CD47: variants seen among roughly 807,000 people sequenced by gnomAD.
CD47 encodes leukocyte surface antigen CD47.
Under a neutral mutation model 44.6 loss-of-function variants are expected in CD47, and 11 were observed. The observed-to-expected ratio is 0.25, with a 90% CI of 0.16 to 0.41. The LOEUF is 0.41. CD47 is among the 10% of genes least tolerant of loss of function. The pLI, the probability that CD47 is intolerant of heterozygous loss-of-function variation, is 1.00. For missense variants in CD47, 306 were observed against 386.7 expected, an observed-to-expected ratio of 0.79 and a Z score of 1.75; for synonymous variants, 140 against 136.3, an observed-to-expected ratio of 1.03 and a Z score of -0.19.
At position 108,059,932 on chromosome 3, in the gene CD47, A is replaced by G. The variant is rs546300678; in HGVS notation, c.599-388T>C. Among the ~76,000 whole-genome samples the G allele has an allele frequency of 7.9e-5, 12 of 152,298 alleles. No homozygotes were observed. In the South Asian group the frequency reaches 2.3e-3, roughly 29 times the overall value. ...CTGTCTTCACTAACTTCAGATACCA[A>G]TAGAGCTGCCAAGCCCATGTTCCTA... On this transcript the variant is annotated intron_variant, in intron 4 of 10. Coordinates refer to ENST00000361309, the MANE Select transcript of CD47 (RefSeq NM_001777.4).
chr3:108,079,897 T>C, intron 2 of CD47, 94 bp downstream of exon 2: 2 of 718,638 alleles, frequency 2.8e-6, no homozygotes, highest in South Asian at 3.8e-5. Flanking sequence ...GCTTTTTGAT[T>C]CAAAGGAGTA....
At chr3:108,071,901 T>A (rs1268090951) in intron 2 of CD47, among the ~76,000 whole-genome samples, 1 of 152,190 alleles carries the variant, frequency 6.6e-6, no homozygotes, top group Non-Finnish European at 1.5e-5. Flanking sequence ...TCTGCAATTA[T>A]CCATGCATAA....
intron 4 of CD47, among the ~76,000 whole-genome samples, chr3:108,060,252 T>C (rs1475489747): frequency 2.0e-5 from 3 of 152,040 alleles, no homozygotes; most frequent in East Asian, 1.9e-4. Context: ...AGCAAAAGAG[T>C]GAATACTGCA....
At chr3:108,056,793 A>G (rs2078919907) in intron 7 of CD47, among the ~76,000 whole-genome samples, 1 of 152,212 alleles carries the variant, frequency 6.6e-6, no homozygotes, top group Admixed American at 6.5e-5. Context: ...CAGAAATGTT[A>G]CTTGAAAATT....
In CD47 at chr3:108,049,623, A is replaced by C; in HGVS notation, c.963T>G (p.Asn321Lys). 1 of 1,582,932 alleles carries C rather than the reference A, an allele frequency of 6.3e-7. No homozygotes were observed. The highest frequency in any genetic ancestry group is 8.7e-7 in the Non-Finnish European group (1 of 1,151,824). The change falls in exon 10 of 11, where the codon AAT becomes AAG. Residue 321 changes from asparagine to lysine, a missense_variant. This residue lies in a region of CD47 where 131 missense variants were observed against 135.3 expected (regional missense o/e 0.97). Coordinates refer to ENST00000361309, the MANE Select transcript of CD47 (RefSeq NM_001777.4). The part of the protein sequence containing the change: ...NAFKESKGMM[N>K]DE ...TTAAGTGCATTTTATACTTACCATCATTCATCATTCCTTTTGATTCTTTGA... is the reference window on the plus strand; with the variant it reads ...TTAAGTGCATTTTATACTTACCATCCTTCATCATTCCTTTTGATTCTTTGA...
chr3:108,069,191 C>T (rs2079153561), intron 3 of CD47, among the ~76,000 whole-genome samples: 1 of 152,086 alleles, frequency 6.6e-6, no homozygotes, highest in African/African-American at 2.4e-5. Flanking sequence ...AATATCTCTG[C>T]CAATTCCAGG....
chr3:108,090,452 A>T (rs1192320690), intron 1 of CD47, among the ~76,000 whole-genome samples: 2 of 152,060 alleles, frequency 1.3e-5, no homozygotes, highest in African/African-American at 4.8e-5. Flanking sequence ...CTCAACCCCA[A>T]ATGCGTCTAA....
chr3:108,064,569 A>G (rs1369431629), intron 3 of CD47, among the ~76,000 whole-genome samples: 1 of 152,174 alleles, frequency 6.6e-6, no homozygotes, highest in Non-Finnish European at 1.5e-5. Context: ...AATCAAGTCT[A>G]TCATGCTAAG....
chr3:108,068,417 T>C (rs1462207379), intron 3 of CD47, among the ~76,000 whole-genome samples: 2 of 152,194 alleles, frequency 1.3e-5, no homozygotes, highest in African/African-American at 2.4e-5. Context: ...GTAGGCACCC[T>C]GTCACTAGGT....
intron 3 of CD47, among the ~76,000 whole-genome samples, chr3:108,067,329 T>C (rs1256266168): frequency 2.0e-5 from 3 of 152,270 alleles, no homozygotes; most frequent in African/African-American, 4.8e-5. Flanking sequence ...GTCATGTTTA[T>C]GGTCTTGCGG....
In CD47 at chr3:108,044,682, G is replaced by C. The variant is rs935512976; in HGVS notation, c.*2606C>G. 1 of 152,132 alleles carries C rather than the reference G, an allele frequency of 6.6e-6. No individual in the cohort carries two copies. The highest frequency in any genetic ancestry group is 1.9e-4 in the East Asian group (1 of 5,188). The allele number at this position is 152,132 out of a possible 1,614,324, so 9.4% of individuals were successfully genotyped here. Reference sequence around the variant, plus strand: ...ATAGAACTAAGCAGAGATGCATAAAGTACTATAGGAATGGTAAGTTAAGAG... The same window carrying C: ...ATAGAACTAAGCAGAGATGCATAAACTACTATAGGAATGGTAAGTTAAGAG... On this transcript the variant is annotated 3_prime_UTR_variant, in exon 11 of 11. Transcript: ENST00000361309.
intron 2 of CD47, among the ~76,000 whole-genome samples, chr3:108,074,076 T>G (rs1000211451): frequency 1.1e-4 from 16 of 152,150 alleles, no homozygotes; most frequent in African/African-American, 3.9e-4. Flanking sequence ...AGAACTGAAA[T>G]TGCCTGATAA....
chr3:108,059,374 T>C (rs530025408), intron 5 of CD47, 78 bp downstream of exon 5: 8 of 645,922 alleles, frequency 1.2e-5, no homozygotes, highest in Admixed American at 3.1e-5. Flanking sequence ...AAAAAATTTA[T>C]ATGAGCATTT....
intron 2 of CD47, among the ~76,000 whole-genome samples, chr3:108,078,176 G>A (rs940225599): frequency 2.0e-5 from 3 of 152,020 alleles, no homozygotes; most frequent in Non-Finnish European, 2.9e-5. Context: ...AAATTAAAAT[G>A]GATGCAAAGC....
At chr3:108,089,251 C>G (rs2079581633) in intron 1 of CD47, among the ~76,000 whole-genome samples, 2 of 151,970 alleles carry the variant, frequency 1.3e-5, no homozygotes, top group Admixed American at 6.6e-5. Context: ...AAATAAAATA[C>G]TATAAATTCT....
At position 108,046,285 on chromosome 3, in the gene CD47, T is replaced by C. The variant is rs1302356141; in HGVS notation, c.*1003A>G. 1 of 152,672 alleles carries C rather than the reference T, an allele frequency of 6.5e-6. No homozygotes were observed. The highest frequency in any genetic ancestry group is 1.5e-5 in the Non-Finnish European group (1 of 68,044). The allele number at this position is 152,672 out of a possible 1,614,324, so 9.5% of individuals were successfully genotyped here. On this transcript the variant is annotated 3_prime_UTR_variant, in exon 11 of 11. Coordinates refer to ENST00000361309, the MANE Select transcript of CD47 (RefSeq NM_001777.4). ...GATGGTGACACACATTTTGTTGCCA[T>C]GCAGGAGACTCATAGTTCAAATTTC...
intron 1 of CD47, among the ~76,000 whole-genome samples, chr3:108,082,650 T>C (rs2079440780): frequency 6.6e-6 from 1 of 152,024 alleles, no homozygotes; most frequent in Admixed American, 6.6e-5. Context: ...AGTCATCCTA[T>C]GAAACTTTTT....
chr3:108,068,246 A>G (rs181477677), intron 3 of CD47, among the ~76,000 whole-genome samples: 1 of 152,320 alleles, frequency 6.6e-6, no homozygotes, highest in African/African-American at 2.4e-5. Context: ...AGGCACTAAC[A>G]GAAAAGTTAG....
At chr3:108,067,122 G>A (rs1286106297) in intron 3 of CD47, among the ~76,000 whole-genome samples, 1 of 152,076 alleles carries the variant, frequency 6.6e-6, no homozygotes, top group Admixed American at 6.6e-5. Context: ...TTTCATTCTC[G>A]ATGTTTCTAA....
Sources: gnomAD v4.1 joint callset for allele counts (sites outside exome capture counted in the v4.1 genomes callset) on GRCh38, gnomAD v4.1.1 for gene constraint, gnomAD v4.1.1 regional missense constraint, MANE v1.5 for transcripts, NCBI Gene and HGNC (gene_info 2026-07-23, HGNC 2026-07-21) for gene names.